Variants in DYNC1I1 observed in about 807,000 individuals in gnomAD.
DYNC1I1 encodes dynein cytoplasmic 1 intermediate chain 1.
Under a neutral mutation model 86.6 loss-of-function variants are expected in DYNC1I1, and 43 were observed. The observed-to-expected ratio is 0.50, with a 90% confidence interval of 0.39 to 0.64. DYNC1I1 has a LOEUF of 0.64. Ranked by LOEUF, DYNC1I1 falls within the 30% of genes least tolerant of loss-of-function variation. DYNC1I1 has a pLI of 0.00. For synonymous variants in DYNC1I1, 262 were observed against 283.7 expected (o/e 0.92, Z 0.77); for missense variants, 604 against 788.8 (o/e 0.77, Z 2.81).
intron 1 of DYNC1I1, among the ~76,000 whole-genome samples, chr7:95,794,803 A>C (rs564891634): frequency 1.3e-5 from 2 of 152,380 alleles, no homozygotes; most frequent in South Asian, 2.1e-4. Flanking sequence ...TCACAAATTC[A>C]GCAAGAGTGA....
At chr7:96,099,001 C>T (rs951604255), downstream of DYNC1I1, among the ~76,000 whole-genome samples, 8 of 151,820 alleles carry the variant, frequency 5.3e-5, no homozygotes, top group African/African-American at 1.9e-4. Flanking sequence ...AAGTAGCCTA[C>T]AATATTTAGA....
At chr7:96,027,753 T>G (rs1357421676) in intron 10 of DYNC1I1, among the ~76,000 whole-genome samples, 2 of 152,154 alleles carry the variant, frequency 1.3e-5, no homozygotes, top group African/African-American at 4.8e-5. Context: ...CACTGCAAAT[T>G]GTGTAACTTG....
At chr7:95,926,920 G>C (rs961105992) in intron 6 of DYNC1I1, among the ~76,000 whole-genome samples, 1 of 152,160 alleles carries the variant, frequency 6.6e-6, no homozygotes, top group Non-Finnish European at 1.5e-5. Flanking sequence ...GATAGATACA[G>C]AGTGTGTGTT....
intron 6 of DYNC1I1, among the ~76,000 whole-genome samples, chr7:95,933,340 T>C (rs754552477): frequency 5.3e-5 from 8 of 152,224 alleles, no homozygotes; most frequent in Non-Finnish European, 1.2e-4. Context: ...GAGATTCTCA[T>C]TCCTAACAAT....
At chr7:95,988,129 C>T (rs562971010) in intron 9 of DYNC1I1, among the ~76,000 whole-genome samples, 204 of 152,330 alleles carry the variant, frequency 1.3e-3, no homozygotes, top group African/African-American at 4.4e-3. Context: ...GTAATCCCAG[C>T]ACTTTGGGAG....
intron 6 of DYNC1I1, among the ~76,000 whole-genome samples, chr7:95,946,023 G>A (rs1792389209): frequency 6.6e-6 from 1 of 152,074 alleles, no homozygotes; most frequent in Non-Finnish European, 1.5e-5. Context: ...GGAGCTGGAA[G>A]CCATTATCCT....
chr7:96,101,209 C>T (rs192015235), downstream of DYNC1I1, among the ~76,000 whole-genome samples: 7 of 152,276 alleles, frequency 4.6e-5, no homozygotes, highest in Non-Finnish European at 7.4e-5. Context: ...ATTAAAAGAA[C>T]GTGGCATTCC....
At chr7:95,987,630 T>C (rs1239375087) in intron 9 of DYNC1I1, among the ~76,000 whole-genome samples, 1 of 152,190 alleles carries the variant, frequency 6.6e-6, no homozygotes. Flanking sequence ...TCTCAACCCC[T>C]GCTCTTCTTC....
chr7:95,913,792 G>C (rs1030504704), intron 6 of DYNC1I1, among the ~76,000 whole-genome samples: 4 of 152,184 alleles, frequency 2.6e-5, no homozygotes, highest in African/African-American at 7.2e-5. Flanking sequence ...CACTAATAAT[G>C]CTATGGGTTT....
chr7:95,923,681 G>C (rs1791669507), intron 6 of DYNC1I1, among the ~76,000 whole-genome samples: 1 of 152,132 alleles, frequency 6.6e-6, no homozygotes, highest in Admixed American at 6.6e-5. Flanking sequence ...TCTCTACACA[G>C]TTAAAACAAT....
chr7:95,819,641 TA>T (rs1795029984), intron 4 of DYNC1I1, among the ~76,000 whole-genome samples: 1 of 152,130 alleles, frequency 6.6e-6, no homozygotes, highest in South Asian at 2.1e-4. Context: ...ATAAGACTAT[TA>T]AAATTTTGCT....
At chr7:95,977,195 A>G (rs2051706) in intron 6 of DYNC1I1, among the ~76,000 whole-genome samples, 122,987 of 152,184 alleles carry the variant, frequency 0.81, 50,007 homozygotes, top group East Asian at 0.92. Context: ...TTCCTGGGCC[A>G]TCTTCGAAGA....
chr7:95,773,103 A>C (rs1290600896), intron 1 of DYNC1I1, among the ~76,000 whole-genome samples: 1 of 151,962 alleles, frequency 6.6e-6, no homozygotes, highest in Non-Finnish European at 1.5e-5. Flanking sequence ...TCCCCGGGGG[A>C]GCAGTGGGCG....
chr7:95,842,509 CT>C (rs1248764104), intron 5 of DYNC1I1, among the ~76,000 whole-genome samples: 1 of 152,146 alleles, frequency 6.6e-6, no homozygotes, highest in Non-Finnish European at 1.5e-5. Flanking sequence ...GCCACAGTAT[CT>C]TATCAGTTAA....
chr7:95,909,829 C>T lies in DYNC1I1; in HGVS notation c.490+39831C>T, dbSNP rs141057803. ...ACTTGGGACCCAGCATCTGGTTGCTCTTGAGATCAGTCCAAACTCCTTGCT... is the reference window on the plus strand; with the variant it reads ...ACTTGGGACCCAGCATCTGGTTGCTTTTGAGATCAGTCCAAACTCCTTGCT... On this transcript the variant is annotated intron_variant, in intron 6 of 16. Transcript: ENST00000447467. 2.4e-3 allele frequency among the ~76,000 whole-genome samples: 358 copies of T among 152,270 alleles called. 2 individuals carry two copies. The highest frequency in any genetic ancestry group is 8.0e-3 in the African/African-American group (332 of 41,550).
At chr7:95,783,418 A>C (rs1794047234) in intron 1 of DYNC1I1, among the ~76,000 whole-genome samples, 1 of 152,222 alleles carries the variant, frequency 6.6e-6, no homozygotes, top group Non-Finnish European at 1.5e-5. Context: ...TGGTGGGCAC[A>C]TGAAAATGAA....
At chr7:95,803,494 A>G (rs1584237595) in intron 1 of DYNC1I1, among the ~76,000 whole-genome samples, 1 of 152,230 alleles carries the variant, frequency 6.6e-6, no homozygotes, top group East Asian at 1.9e-4. Flanking sequence ...GTGAGCAGAA[A>G]TGTGTATAGT....
At chr7:95,818,489 T>A in intron 4 of DYNC1I1, 1 of 675,294 alleles carries the variant, frequency 1.5e-6, no homozygotes, top group Middle Eastern at 2.4e-4. Context: ...TTTTTTTTTT[T>A]TTTTTGTAGA....
chr7:96,003,051 G>T (rs1296829119), intron 10 of DYNC1I1, among the ~76,000 whole-genome samples: 2 of 151,948 alleles, frequency 1.3e-5, no homozygotes, highest in Non-Finnish European at 2.9e-5. Context: ...CACCATGTTG[G>T]CCAGGCTGGT....
Sources: gnomAD v4.1 joint callset for allele counts (sites outside exome capture counted in the v4.1 genomes callset) on GRCh38, gnomAD v4.1.1 for gene constraint, MANE v1.5 for transcripts, NCBI Gene and HGNC (gene_info 2026-07-23, HGNC 2026-07-21) for gene names.